Variants in LGR5 observed in about 807,000 individuals in gnomAD.
The protein encoded by LGR5 is leucine rich repeat containing G protein-coupled receptor 5.
In LGR5, 54 loss-of-function variants were observed where a neutral mutation model predicts 76.7. The ratio of observed to expected loss-of-function variants is 0.70; its 90% CI spans 0.57 to 0.88. The LOEUF (loss-of-function observed/expected upper bound fraction) is 0.88. Among genes scored for constraint, LGR5 ranks in the 40% least tolerant of loss-of-function variants. The pLI is 0.00. For missense variants in LGR5, 1,078 were observed against 1,073.3 expected (o/e 1.00, Z -0.06); for synonymous variants, 406 against 421.9 (o/e 0.96, Z 0.46).
chr12:71,479,626 T>C (rs1004865158), intron 1 of LGR5, among the ~76,000 whole-genome samples: 6 of 151,690 alleles, frequency 4.0e-5, no homozygotes, highest in African/African-American at 1.5e-4. Flanking sequence ...ATATTCTATA[T>C]TGGAAGATCA....
intron 4 of LGR5, among the ~76,000 whole-genome samples, chr12:71,550,641 T>A (rs1877435019): frequency 6.6e-6 from 1 of 151,988 alleles, no homozygotes; most frequent in Non-Finnish European, 1.5e-5. Context: ...TTTTTGTATT[T>A]TTTATAGAAA....
In LGR5 at chr12:71,484,053, T is replaced by A. The variant is rs190910559; in HGVS notation, c.213-20561T>A. Among the ~76,000 whole-genome samples, 585 of 152,276 alleles carry A rather than the reference T, an allele frequency of 3.8e-3. 14 individuals are homozygous for A. Among genetic ancestry groups the A allele is most frequent in the Admixed American group, 0.029 (438 of 15,296 alleles). On this transcript the variant is annotated intron_variant, in intron 1 of 17. Transcript: ENST00000266674. ...GAGATGTGTTAGGTAACTGGTCAGT[T>A]AATCACCTGGAGAAGTTCCTTCAGG...
At chr12:71,574,079 G>A (rs555662788) in intron 13 of LGR5, among the ~76,000 whole-genome samples, 36 of 151,368 alleles carry the variant, frequency 2.4e-4, no homozygotes, top group African/African-American at 7.3e-4. Flanking sequence ...AAAGGCAGGC[G>A]GATCACGAGG....
intron 6 of LGR5, among the ~76,000 whole-genome samples, chr12:71,558,845 T>C (rs1171862610): frequency 6.6e-6 from 1 of 152,200 alleles, no homozygotes; most frequent in Non-Finnish European, 1.5e-5. Context: ...CACTTGTGAG[T>C]AATGAAATTG....
chr12:71,518,256 G>C (rs865938285), intron 2 of LGR5, among the ~76,000 whole-genome samples: 4 of 152,062 alleles, frequency 2.6e-5, no homozygotes, highest in Admixed American at 6.6e-5. Context: ...AAAAAGCTCA[G>C]CATTACTGAT....
At chr12:71,528,378 C>T (rs141706144) in intron 3 of LGR5, among the ~76,000 whole-genome samples, 1 of 152,192 alleles carries the variant, frequency 6.6e-6, no homozygotes, top group Admixed American at 6.5e-5. Context: ...GGGAGGATTT[C>T]ATGAGCCTAG....
chr12:71,538,488 T>C (rs1321716469), intron 4 of LGR5, among the ~76,000 whole-genome samples: 1 of 151,850 alleles, frequency 6.6e-6, no homozygotes, highest in Non-Finnish European at 1.5e-5. Flanking sequence ...CACTGCACTC[T>C]CTGAGGATAG....
intron 3 of LGR5, among the ~76,000 whole-genome samples, chr12:71,529,112 T>G (rs558883013): frequency 6.6e-6 from 1 of 152,334 alleles, no homozygotes. Flanking sequence ...ATTGGCATGT[T>G]ATATTTATTT....
intron 4 of LGR5, among the ~76,000 whole-genome samples, chr12:71,549,963 A>G (rs1005815127): frequency 2.0e-5 from 3 of 152,192 alleles, no homozygotes; most frequent in Admixed American, 1.3e-4. Flanking sequence ...AACGTGATTC[A>G]TAAAAGATAT....
At chr12:71,497,233 T>G (rs1166778474) in intron 1 of LGR5, among the ~76,000 whole-genome samples, 1 of 151,936 alleles carries the variant, frequency 6.6e-6, no homozygotes, top group Non-Finnish European at 1.5e-5. Context: ...GGAGATAACT[T>G]GGGACTTGGA....
At chr12:71,511,356 C>CA (rs11383143) in intron 2 of LGR5, among the ~76,000 whole-genome samples, 14,078 of 152,198 alleles carry the variant, frequency 0.092, 698 homozygotes, top group Non-Finnish European at 0.11. Context: ...TTGAGAAATA[C>CA]AATTCATGTG....
At chr12:71,547,338 A>G (rs1877233875) in intron 4 of LGR5, among the ~76,000 whole-genome samples, 1 of 152,192 alleles carries the variant, frequency 6.6e-6, no homozygotes, top group African/African-American at 2.4e-5. Context: ...CATAGATTAA[A>G]GAATGTATGG....
intron 1 of LGR5, among the ~76,000 whole-genome samples, chr12:71,496,555 C>A (rs1042878850): frequency 1.3e-5 from 2 of 151,988 alleles, no homozygotes; most frequent in Non-Finnish European, 2.9e-5. Flanking sequence ...ATGCATACAC[C>A]AATAGTCAGC....
chr12:71,477,914 T>C (rs909618423), intron 1 of LGR5, among the ~76,000 whole-genome samples: 2 of 152,216 alleles, frequency 1.3e-5, no homozygotes, highest in Admixed American at 1.3e-4. Context: ...ACTCCTTGCC[T>C]CTGAGGCTCC....
At chr12:71,556,798 A>C in intron 6 of LGR5, 108 bp downstream of exon 6, 1 of 807,298 alleles carries the variant, frequency 1.2e-6, no homozygotes, top group Non-Finnish European at 2.2e-6. Context: ...TAATTGCCTA[A>C]GCTTTCAACA....
intron 1 of LGR5, among the ~76,000 whole-genome samples, chr12:71,487,494 G>A (rs748649782): frequency 3.9e-5 from 6 of 152,018 alleles, no homozygotes; most frequent in African/African-American, 9.7e-5. Flanking sequence ...AGCTCACTGC[G>A]GCCTCAAACT....
intron 2 of LGR5, among the ~76,000 whole-genome samples, chr12:71,519,970 T>C (rs1875648399): frequency 6.6e-6 from 1 of 152,012 alleles, no homozygotes; most frequent in South Asian, 2.1e-4. Flanking sequence ...GCATTATTAG[T>C]GGGAATATAT....
intron 16 of LGR5, among the ~76,000 whole-genome samples, chr12:71,580,922 A>G (rs1021533656): frequency 6.6e-6 from 1 of 152,346 alleles, no homozygotes; most frequent in African/African-American, 2.4e-5. Context: ...AGAGAAAACT[A>G]GCTCAGGATT....
At chr12:71,567,684 C>T (rs142220178) in intron 11 of LGR5, among the ~76,000 whole-genome samples, 39 of 152,228 alleles carry the variant, frequency 2.6e-4, no homozygotes, top group Admixed American at 7.2e-4. Flanking sequence ...AGTAGATAAA[C>T]GGGAATGGCT....
Sources: gnomAD v4.1 joint callset for allele counts (sites outside exome capture counted in the v4.1 genomes callset) on GRCh38, gnomAD v4.1.1 for gene constraint, MANE v1.5 for transcripts, NCBI Gene and HGNC (gene_info 2026-07-23, HGNC 2026-07-21) for gene names.